GPD2: variants seen among roughly 807,000 people sequenced by gnomAD.
GPD2 encodes glycerol-3-phosphate dehydrogenase, mitochondrial.
GPD2 carries 54 observed loss-of-function variants against 82.4 expected under a neutral mutation model. The ratio of observed to expected loss-of-function variants is 0.66; its 90% CI spans 0.53 to 0.82. The LOEUF is 0.82. Ranked by LOEUF, GPD2 falls within the 40% of genes least tolerant of loss-of-function variation. GPD2 has a pLI of 0.00. For missense variants in GPD2, 748 were observed against 896.2 expected, an observed-to-expected ratio of 0.83 and a Z score of 2.11; for synonymous variants, 288 against 306.1, an observed-to-expected ratio of 0.94 and a Z score of 0.62.
chr2:156,401,337 A>C, the GPD2 span, among the ~76,000 whole-genome samples: 2 of 152,242 alleles, frequency 1.3e-5, no homozygotes, highest in Non-Finnish European at 2.9e-5. Flanking sequence ...TTAATCACAT[A>C]GTTATAAAAA....
intron 4 of GPD2, 55 bp downstream of exon 4, chr2:156,510,975 CAAT>C: frequency 1.3e-6 from 2 of 1,525,570 alleles, no homozygotes; most frequent in Non-Finnish European, 1.8e-6. Flanking sequence ...TTTTTCTACC[CAAT>C]TAAATCAGGT....
intron 1 of GPD2, among the ~76,000 whole-genome samples, chr2:156,451,498 G>T (rs1282977387): frequency 5.8e-5 from 4 of 68,798 alleles, no homozygotes; most frequent in African/African-American, 2.5e-4. Flanking sequence ...CCCGGAAGGG[G>T]CGGCTGGCCG....
chr2:156,547,935 G>A lies in GPD2; in HGVS notation c.662-1673G>A, dbSNP rs1365900618. 4.6e-5 allele frequency among the ~76,000 whole-genome samples: 7 copies of A among 152,166 alleles called. No homozygotes were observed. In the East Asian group the frequency reaches 1.3e-3, roughly 29 times the overall value. ...TTTCATTTACACATGGCTTTCCAGAGGCTTCAAGGCACACCTGGATGGGTG... is the reference window on the plus strand; with the variant it reads ...TTTCATTTACACATGGCTTTCCAGAAGCTTCAAGGCACACCTGGATGGGTG... On this transcript the variant is annotated intron_variant, in intron 6 of 16. Transcript: ENST00000438166.
At chr2:156,582,352 C>T (rs1243547052) in intron 16 of GPD2, among the ~76,000 whole-genome samples, 3 of 151,252 alleles carry the variant, frequency 2.0e-5, no homozygotes, top group Admixed American at 2.0e-4. Context: ...ATTTAGGGGA[C>T]TCGAAGTTGT....
chr2:156,503,480 A>G (rs931955262), intron 3 of GPD2, among the ~76,000 whole-genome samples: 4 of 152,206 alleles, frequency 2.6e-5, no homozygotes, highest in Non-Finnish European at 5.9e-5. Context: ...GAAGAAGAAG[A>G]GTTCAAAGCT....
intron 1 of GPD2, among the ~76,000 whole-genome samples, chr2:156,466,658 G>T (rs1414030476): frequency 6.6e-6 from 1 of 152,096 alleles, no homozygotes; most frequent in East Asian, 1.9e-4. Flanking sequence ...TTTTGTTTTA[G>T]AGGACTTTGT....
chr2:156,444,930 C>G (rs548914972), intron 1 of GPD2, among the ~76,000 whole-genome samples: 3 of 152,152 alleles, frequency 2.0e-5, no homozygotes, highest in African/African-American at 7.2e-5. Flanking sequence ...AAAAAAAATT[C>G]TTAGAGACAG....
intron 6 of GPD2, among the ~76,000 whole-genome samples, chr2:156,547,354 G>A (rs1249510569): frequency 6.6e-6 from 1 of 152,220 alleles, no homozygotes; most frequent in East Asian, 1.9e-4. Context: ...TCGATCATGA[G>A]AGATGAAGAG....
upstream of GPD2, chr2:156,435,835 C>G (rs1272945888): frequency 1.3e-5 from 2 of 152,434 alleles, no homozygotes; most frequent in Non-Finnish European, 2.9e-5. Flanking sequence ...TGCCGGCGGA[C>G]GAGTGTCTCC....
intron 5 of GPD2, among the ~76,000 whole-genome samples, chr2:156,513,043 G>A (rs1685060307): frequency 6.6e-6 from 1 of 152,244 alleles, no homozygotes; most frequent in South Asian, 2.1e-4. Context: ...GTTTCTGGAT[G>A]TATGAGGCTT....
At chr2:156,441,134 A>G (rs1408937730) in intron 1 of GPD2, among the ~76,000 whole-genome samples, 1 of 152,214 alleles carries the variant, frequency 6.6e-6, no homozygotes, top group East Asian at 1.9e-4. Context: ...GTTGGTGAAT[A>G]CATGGAGGTG....
At chr2:156,446,842 C>T (rs1026674002) in intron 1 of GPD2, among the ~76,000 whole-genome samples, 7 of 152,218 alleles carry the variant, frequency 4.6e-5, no homozygotes, top group African/African-American at 1.7e-4. Context: ...ACATGAGCCA[C>T]AGCACCCGGC....
intron 3 of GPD2, among the ~76,000 whole-genome samples, chr2:156,504,736 CAT>C (rs1454967721): frequency 4.0e-5 from 6 of 151,784 alleles, no homozygotes; most frequent in African/African-American, 1.5e-4. Context: ...ATATTATCCA[CAT>C]GTTAAAAATG....
intron 1 of GPD2, among the ~76,000 whole-genome samples, chr2:156,438,899 T>C (rs1164578782): frequency 6.6e-6 from 1 of 152,234 alleles, no homozygotes; most frequent in Non-Finnish European, 1.5e-5. Flanking sequence ...TACAATCATT[T>C]TTCCAGTGGT....
intron 3 of GPD2, among the ~76,000 whole-genome samples, chr2:156,504,590 G>A (rs297592): frequency 0.7 from 106,085 of 151,604 alleles, 37,243 homozygotes; most frequent in Middle Eastern, 0.82. Flanking sequence ...CTTAAAATTT[G>A]TTCTAATGAT....
chr2:156,544,498 T>C (rs370067329), intron 6 of GPD2, among the ~76,000 whole-genome samples: 7 of 152,180 alleles, frequency 4.6e-5, no homozygotes, highest in African/African-American at 1.7e-4. Context: ...CAATATATTA[T>C]ATAGCCCATA....
intron 6 of GPD2, among the ~76,000 whole-genome samples, chr2:156,534,971 A>G (rs1362255958): frequency 1.3e-5 from 2 of 152,160 alleles, no homozygotes; most frequent in East Asian, 3.9e-4. Flanking sequence ...AATTTTAAGA[A>G]AGGGTAGTAT....
chr2:156,521,744 C>T (rs919962629), intron 6 of GPD2, among the ~76,000 whole-genome samples: 1 of 152,208 alleles, frequency 6.6e-6, no homozygotes, highest in African/African-American at 2.4e-5. Context: ...AAAACCATAA[C>T]ATTTTAATAG....
the GPD2 span, among the ~76,000 whole-genome samples, chr2:156,422,233 A>G: frequency 6.6e-6 from 1 of 152,188 alleles, no homozygotes; most frequent in Admixed American, 6.6e-5. Context: ...TTGGGTTTTT[A>G]TGCTCTTGTA....
Sources: allele counts gnomAD v4.1 joint callset (sites outside exome capture counted in the v4.1 genomes callset), GRCh38; gene constraint gnomAD v4.1.1; transcripts MANE v1.5; gene names NCBI Gene and HGNC (gene_info 2026-07-23, HGNC 2026-07-21).